MICAL2: variants seen among roughly 807,000 people sequenced by gnomAD.
MICAL2 encodes microtubule associated monooxygenase, calponin and LIM domain containing 2.
A neutral mutation model predicts 127.3 loss-of-function variants in MICAL2; 77 were observed. The observed-to-expected ratio is 0.60, with a 90% CI of 0.50 to 0.73. The LOEUF is 0.73. MICAL2 is among the 30% of genes least tolerant of loss of function. The pLI, the probability that MICAL2 is intolerant of heterozygous loss-of-function variation, is 0.00. For synonymous variants in MICAL2, 570 were observed against 551.1 expected (o/e 1.03, Z -0.48); for missense variants, 1,351 against 1,434.4 (o/e 0.94, Z 0.94).
intron 24 of MICAL2, 108 bp downstream of exon 24, chr11:12,257,079 A>G: frequency 8.4e-7 from 1 of 1,189,926 alleles, no homozygotes; most frequent in Non-Finnish European, 1.2e-6. Flanking sequence ...AACATACCCA[A>G]AAGGAAGTAT....
intron 29 of MICAL2, among the ~76,000 whole-genome samples, chr11:12,317,675 C>G (rs1406903787): frequency 3.3e-5 from 5 of 151,992 alleles, no homozygotes. Context: ...ACCTGTAATC[C>G]CAGCTACTCA....
At chr11:12,195,432 A>G (rs10741569) in intron 3 of MICAL2, among the ~76,000 whole-genome samples, 83,622 of 152,084 alleles carry the variant, frequency 0.55, 26,675 homozygotes, top group Non-Finnish European at 0.72. Context: ...GAATAGATAC[A>G]TGCTAAAGCA....
rs148244724 is a variant in MICAL2, at chr11:12,221,569, G to A, written c.1207-75G>A. 3.4e-4 allele frequency: 360 copies of A among 1,045,082 alleles called. 4 individuals carry two copies. In the Admixed American group the frequency reaches 6.6e-3, roughly 19 times the overall value. The allele number at this position is 1,045,082 out of a possible 1,614,324, so 64.7% of individuals were successfully genotyped here. On this transcript the variant is annotated intron_variant, in intron 9 of 27. Coordinates refer to ENST00000683283, the MANE Select transcript of MICAL2 (RefSeq NM_001282663.2). ...GCCCTGCACAGTCCTGGCAATCAGTGTGTGCTGGGTCCAATGAGATCATAG... is the reference window on the plus strand; with the variant it reads ...GCCCTGCACAGTCCTGGCAATCAGTATGTGCTGGGTCCAATGAGATCATAG...
intron 1 of MICAL2, among the ~76,000 whole-genome samples, chr11:12,120,448 G>A (rs2133463884): frequency 6.6e-6 from 1 of 152,278 alleles, no homozygotes; most frequent in South Asian, 2.1e-4. Context: ...TCCCTGTGAT[G>A]ACTGGTGGAA....
downstream of MICAL2, chr11:12,292,377 G>A: frequency 6.7e-7 from 1 of 1,487,292 alleles, no homozygotes; most frequent in Non-Finnish European, 9.3e-7. Context: ...ACTTATCTCT[G>A]GATTCCACGT....
intron 3 of MICAL2, among the ~76,000 whole-genome samples, chr11:12,170,984 G>A (rs1455520263): frequency 6.6e-6 from 1 of 152,184 alleles, no homozygotes; most frequent in Non-Finnish European, 1.5e-5. Flanking sequence ...TACTATGTGA[G>A]CCCCGGTGTT....
rs761743936 is a variant in MICAL2 at position 12,224,662 on chromosome 11, CCTT to C, written c.1541-7_1541-5del. ...TGCAGAGCCTCACTGCCTGCGCTCT[CCTT>C]CTTGCAGAGTCAGATATCCGGCCCA... On this transcript the variant is annotated splice_polypyrimidine_tract_variant and splice_region_variant and intron_variant, in intron 12 of 27. Transcript: ENST00000683283. 70 of 1,612,490 alleles carry C rather than the reference CCTT, an allele frequency of 4.3e-5. No individual in the cohort carries two copies. Among genetic ancestry groups the C allele is most frequent in the Middle Eastern group, 3.3e-4 (2 of 6,068 alleles).
intron 1 of MICAL2, among the ~76,000 whole-genome samples, chr11:12,277,929 A>T (rs1054448455): frequency 8.5e-5 from 13 of 152,230 alleles, no homozygotes; most frequent in Non-Finnish European, 4.4e-5. Flanking sequence ...ACTATCAGCA[A>T]TTGTAACACA....
chr11:12,120,418 G>A (rs1479364409), intron 1 of MICAL2, among the ~76,000 whole-genome samples: 1 of 152,188 alleles, frequency 6.6e-6, no homozygotes, highest in Admixed American at 6.5e-5. Flanking sequence ...AGCTCACAGT[G>A]TGCAGCTGCT....
chr11:12,293,731 A>G, downstream of MICAL2: 1 of 1,614,056 alleles, frequency 6.2e-7, no homozygotes, highest in Non-Finnish European at 8.5e-7. Context: ...GCCCTGGTGA[A>G]GATGGCCTCT....
chr11:12,154,458 G>A (rs1447941398), intron 2 of MICAL2, among the ~76,000 whole-genome samples: 1 of 152,180 alleles, frequency 6.6e-6, no homozygotes, highest in Admixed American at 6.5e-5. Context: ...AGTCATGCAT[G>A]TTCCTGGTAG....
At chr11:12,118,918 T>A (rs1404620914) in intron 1 of MICAL2, among the ~76,000 whole-genome samples, 2 of 152,218 alleles carry the variant, frequency 1.3e-5, no homozygotes, top group Non-Finnish European at 2.9e-5. Flanking sequence ...CCAGAATGAA[T>A]GACACTGGTA....
rs190236749 is a variant in MICAL2, at chr11:12,130,445, A to G, written c.-148-7945A>G. 1.8e-3 allele frequency among the ~76,000 whole-genome samples: 268 copies of G among 152,348 alleles called. 5 individuals are homozygous for G. The highest frequency in any genetic ancestry group is 0.013 in the Admixed American group (196 of 15,306). ...CTTACTCCCTGGGAGGCAAACAGGC[A>G]AATGATCCTTCTAGCCAAGGTGGGA... On this transcript the variant is annotated intron_variant, in intron 1 of 27. Coordinates refer to ENST00000683283, the MANE Select transcript of MICAL2 (RefSeq NM_001282663.2).
rs560103792 is a variant in MICAL2, at chr11:12,192,658, A to T, written c.265-11592A>T. On this transcript the variant is annotated intron_variant, in intron 3 of 27. Coordinates refer to ENST00000683283, the MANE Select transcript of MICAL2 (RefSeq NM_001282663.2). ...CCAGGTGCGATGATGGGTACCTGTA[A>T]TCCCAGCTACTTGGGAGGCTGAGGC... Among the ~76,000 whole-genome samples, 213 of 152,206 alleles carry T rather than the reference A, an allele frequency of 1.4e-3. 3 individuals are homozygous for T. The South Asian group carries it at 0.043, about 31-fold the overall frequency.
chr11:12,209,978 G>A (rs1052975102), intron 6 of MICAL2, among the ~76,000 whole-genome samples: 12 of 152,088 alleles, frequency 7.9e-5, no homozygotes, highest in Non-Finnish European at 1.5e-4. Flanking sequence ...CCATGGTGCC[G>A]AGCACTTTCA....
intron 3 of MICAL2, among the ~76,000 whole-genome samples, chr11:12,192,996 G>A (rs781011263): frequency 1.3e-5 from 2 of 152,184 alleles, no homozygotes; most frequent in Non-Finnish European, 2.9e-5. Flanking sequence ...ATAAGCTGCT[G>A]TGTTCAAAGC....
At chr11:12,174,807 G>C (rs908889221) in intron 3 of MICAL2, among the ~76,000 whole-genome samples, 1 of 151,986 alleles carries the variant, frequency 6.6e-6, no homozygotes, top group Non-Finnish European at 1.5e-5. Flanking sequence ...TAAACTTTTC[G>C]CAATTATTAA....
intron 3 of MICAL2, among the ~76,000 whole-genome samples, chr11:12,194,280 C>CT (rs1859589796): frequency 6.6e-6 from 1 of 152,176 alleles, no homozygotes; most frequent in Non-Finnish European, 1.5e-5. Context: ...GGATTTGAAT[C>CT]CTAGCTTCAC....
At chr11:12,194,506 AT>A (rs1859628269) in intron 3 of MICAL2, among the ~76,000 whole-genome samples, 1 of 152,166 alleles carries the variant, frequency 6.6e-6, no homozygotes, top group Non-Finnish European at 1.5e-5. Flanking sequence ...ATGTTATATT[AT>A]TTATATATTT....
Sources: allele counts gnomAD v4.1 joint callset (sites outside exome capture counted in the v4.1 genomes callset), GRCh38; gene constraint gnomAD v4.1.1; transcripts MANE v1.5; gene names NCBI Gene and HGNC (gene_info 2026-07-23, HGNC 2026-07-21).